Variants in CCDC85A observed in about 807,000 individuals in gnomAD.
The protein encoded by CCDC85A is coiled-coil domain-containing protein 85A.
Under a neutral mutation model 50.2 loss-of-function variants are expected in CCDC85A, and 38 were observed. That is an observed-to-expected ratio of 0.76 (90% CI 0.58 to 0.99). The LOEUF (loss-of-function observed/expected upper bound fraction) is 0.99. CCDC85A is among the 50% of genes least tolerant of loss of function. The pLI, the probability that CCDC85A is intolerant of heterozygous loss-of-function variation, is 0.00. For missense variants in CCDC85A, 820 were observed against 742.0 expected, an observed-to-expected ratio of 1.11 and a Z score of -1.22; for synonymous variants, 366 against 301.4, an observed-to-expected ratio of 1.21 and a Z score of -2.22.
At chr2:56,187,325 G>T in intron 1 of CCDC85A, among the ~76,000 whole-genome samples, 1 of 152,078 alleles carries the variant, frequency 6.6e-6, no homozygotes. Context: ...CTTTGAAATT[G>T]CATCTAAATA....
chr2:56,364,946 C>G (rs1263162676), intron 3 of CCDC85A, among the ~76,000 whole-genome samples: 1 of 152,178 alleles, frequency 6.6e-6, no homozygotes, highest in African/African-American at 2.4e-5. Flanking sequence ...ATTACCAGAT[C>G]AATCTGTCCA....
chr2:56,219,351 G>A (rs1054781916), intron 2 of CCDC85A, among the ~76,000 whole-genome samples: 1 of 151,154 alleles, frequency 6.6e-6, no homozygotes, highest in Non-Finnish European at 1.5e-5. Flanking sequence ...GACGTTCTTC[G>A]AACAATAAAC....
chr2:56,209,539 A>C, intron 2 of CCDC85A, among the ~76,000 whole-genome samples: 1 of 151,926 alleles, frequency 6.6e-6, no homozygotes, highest in Middle Eastern at 3.4e-3. Context: ...CTTTGGGGCA[A>C]AGGTTTTAAT....
Position 56,381,899 on chromosome 2 carries a change from A to G in CCDC85A, c.1573-2367A>G, listed in dbSNP as rs80184283. On this transcript the variant is annotated intron_variant, in intron 5 of 5. Coordinates refer to ENST00000407595, the MANE Select transcript of CCDC85A (RefSeq NM_001080433.2). The stretch of plus-strand genomic sequence containing the variant: ...TTTCAAAAATAAATTGAAAGGCACC[A>G]TACAGTATTATTTTTATTTTTTAGT... 6.2e-3 allele frequency among the ~76,000 whole-genome samples: 940 copies of G among 152,144 alleles called. 9 individuals are homozygous for G. The highest frequency in any genetic ancestry group is 0.022 in the African/African-American group (897 of 41,518).
At chr2:56,322,963 C>T (rs1425913837) in intron 2 of CCDC85A, among the ~76,000 whole-genome samples, 1 of 152,034 alleles carries the variant, frequency 6.6e-6, no homozygotes, top group African/African-American at 2.4e-5. Flanking sequence ...ACTATGCAGC[C>T]ATAAAAAAGG....
At chr2:56,185,121 G>C (rs1675953674) in intron 1 of CCDC85A, among the ~76,000 whole-genome samples, 1 of 126,062 alleles carries the variant, frequency 7.9e-6, no homozygotes, top group Non-Finnish European at 1.8e-5. Flanking sequence ...TCCACTGTCT[G>C]GCTGTTCGGG....
chr2:56,295,618 T>C (rs367586188), intron 2 of CCDC85A, among the ~76,000 whole-genome samples: 4 of 152,098 alleles, frequency 2.6e-5, no homozygotes, highest in Non-Finnish European at 5.9e-5. Context: ...CAAAAAGAAA[T>C]GGCCCCTCTG....
At chr2:56,324,666 A>G (rs1156230561) in intron 2 of CCDC85A, among the ~76,000 whole-genome samples, 1 of 152,124 alleles carries the variant, frequency 6.6e-6, no homozygotes, top group Non-Finnish European at 1.5e-5. Context: ...TTGCACTTCT[A>G]CATTATTCAC....
At chr2:56,184,924 G>A (rs1236665305) in intron 1 of CCDC85A, 24 bp downstream of exon 1, 1 of 1,457,808 alleles carries the variant, frequency 6.9e-7, no homozygotes, top group African/African-American at 1.5e-5. Flanking sequence ...AGGTGGGGAG[G>A]CGCGGCGCGG....
rs1335931110 is a variant in CCDC85A, at chr2:56,193,406, A to G, written c.1206A>G (p.Ser402=). 6.2e-7 allele frequency: 1 copy of G among 1,609,654 alleles called. No individual in the cohort carries two copies. Among genetic ancestry groups the G allele is most frequent in the Non-Finnish European group, 8.5e-7 (1 of 1,178,102 alleles). ...TLRRQAQEDG[S]PHHRNVYSGM... ...GACGGCAGGCACAGGAGGACGGGTC[A>G]CCCCATCACCGGAATGTCTACAGTG... is the stretch of plus-strand genomic sequence containing the variant. The change falls in exon 2 of 6, where the codon TCA becomes TCG. Residue 402 remains serine (S), a synonymous_variant. Transcript: ENST00000407595.
chr2:56,194,257 A>G (rs969056820), intron 2 of CCDC85A, among the ~76,000 whole-genome samples: 3 of 152,240 alleles, frequency 2.0e-5, no homozygotes, highest in African/African-American at 4.8e-5. Flanking sequence ...TTGCTGAGGC[A>G]GTGCTAAACC....
chr2:56,356,680 A>T (rs931099549), intron 3 of CCDC85A, among the ~76,000 whole-genome samples: 1 of 150,318 alleles, frequency 6.7e-6, no homozygotes, highest in African/African-American at 2.5e-5. Context: ...AGCTGAGATC[A>T]TGCCACTGCA....
At chr2:56,314,874 C>T (rs1446607967) in intron 2 of CCDC85A, among the ~76,000 whole-genome samples, 1 of 152,082 alleles carries the variant, frequency 6.6e-6, no homozygotes, top group Non-Finnish European at 1.5e-5. Context: ...TTCCTGTCTC[C>T]CAGCACTGGA....
intron 2 of CCDC85A, among the ~76,000 whole-genome samples, chr2:56,271,619 A>G (rs981545770): frequency 6.6e-6 from 1 of 152,166 alleles, no homozygotes; most frequent in Non-Finnish European, 1.5e-5. Flanking sequence ...TTTCCTGTCA[A>G]GCTTCTCCTG....
chr2:56,255,828 TGAAA>T (rs1385506693), intron 2 of CCDC85A, among the ~76,000 whole-genome samples: 3 of 151,838 alleles, frequency 2.0e-5, no homozygotes, highest in Non-Finnish European at 4.4e-5. Flanking sequence ...AGGTACAGAA[TGAAA>T]GAGAGAATGA....
intron 2 of CCDC85A, among the ~76,000 whole-genome samples, chr2:56,277,519 C>G (rs977668061): frequency 6.6e-6 from 1 of 152,132 alleles, no homozygotes; most frequent in Non-Finnish European, 1.5e-5. Context: ...CATTAAAAAA[C>G]CACATGACTT....
intron 2 of CCDC85A, among the ~76,000 whole-genome samples, chr2:56,272,483 T>C (rs1257934007): frequency 5.9e-5 from 9 of 152,204 alleles, no homozygotes; most frequent in Non-Finnish European, 1.2e-4. Flanking sequence ...CTCCTCCACC[T>C]AACATGGTCA....
intron 2 of CCDC85A, among the ~76,000 whole-genome samples, chr2:56,320,462 C>G (rs1414883375): frequency 6.6e-6 from 1 of 152,038 alleles, no homozygotes; most frequent in Non-Finnish European, 1.5e-5. Flanking sequence ...GGGGATATCA[C>G]CACCGATCCC....
chr2:56,365,394 C>T (rs1432233191), intron 3 of CCDC85A, among the ~76,000 whole-genome samples: 1 of 152,120 alleles, frequency 6.6e-6, no homozygotes, highest in Non-Finnish European at 1.5e-5. Flanking sequence ...TGTAGCAGTT[C>T]ATCTGTATCA....
Sources: allele counts gnomAD v4.1 joint callset (sites outside exome capture counted in the v4.1 genomes callset), GRCh38; gene constraint gnomAD v4.1.1; transcripts MANE v1.5; gene names NCBI Gene and HGNC (gene_info 2026-07-23, HGNC 2026-07-21).